SNX9: variants seen among roughly 807,000 people sequenced by gnomAD.
SNX9 encodes sorting nexin 9.
A neutral mutation model predicts 89.4 loss-of-function variants in SNX9; 44 were observed. The ratio of observed to expected loss-of-function variants is 0.49; its 90% CI spans 0.39 to 0.63. The LOEUF (loss-of-function observed/expected upper bound fraction) is 0.63. Among genes scored for constraint, SNX9 ranks in the 30% least tolerant of loss-of-function variants. The pLI, the probability that SNX9 is intolerant of heterozygous loss-of-function variation, is 0.00. For synonymous variants in SNX9, 236 were observed against 247.8 expected (o/e 0.95, Z 0.45); for missense variants, 578 against 736.1 (o/e 0.79, Z 2.49).
At chr6:157,927,612 T>G (rs534096152) in intron 11 of SNX9, among the ~76,000 whole-genome samples, 15 of 152,204 alleles carry the variant, frequency 9.9e-5, no homozygotes, top group Non-Finnish European at 1.5e-4. Flanking sequence ...ATCTGTTGAT[T>G]GATTTTAATC....
chr6:157,871,542 G>C (rs967777351), intron 2 of SNX9, among the ~76,000 whole-genome samples: 5 of 152,060 alleles, frequency 3.3e-5, no homozygotes, highest in African/African-American at 1.2e-4. Context: ...GTGGGAGGAG[G>C]GGGGAGGGAT....
intron 1 of SNX9, chr6:157,829,391 AT>A (rs1781440810): frequency 6.6e-6 from 1 of 152,160 alleles, no homozygotes; most frequent in Admixed American, 6.5e-5. Context: ...GTACCTGGAA[AT>A]TTGTTGAGGC....
At chr6:157,889,103 G>A (rs1782799870) in intron 4 of SNX9, among the ~76,000 whole-genome samples, 2 of 152,150 alleles carry the variant, frequency 1.3e-5, no homozygotes, top group East Asian at 1.9e-4. Context: ...GTCTGCAGTT[G>A]AGAGACCAAA....
In SNX9 at chr6:157,902,008, C is replaced by T. The variant is rs1783109001; in HGVS notation, c.583C>T (p.Arg195Cys). Residue 195 changes from arginine (R) to cysteine (C), a missense_variant, in exon 6 of 18, where the codon CGT (arginine) becomes TGT (cysteine). By Grantham distance (180) the Arg-to-Cys change is radical. Around this residue, in one of 2 missense-constraint regions of SNX9, gnomAD observed 230 missense variants for 244.7 expected, o/e 0.94. Transcript: ENST00000392185. ...DAGGAQRGNS[R>C]ASSSSMKIPL... The stretch of plus-strand genomic sequence containing the variant: ...AGGCGGCGCTCAGCGAGGAAACAGT[C>T]GTGCTAGTTCCTCATCCATGAAAAT... The T allele has an allele frequency of 1.2e-6, 2 of 1,613,514 alleles. No individual in the cohort carries two copies. Among genetic ancestry groups the T allele is most frequent in the South Asian group, 1.1e-5 (1 of 90,940 alleles).
At chr6:157,885,302 GA>G (rs1782710959) in intron 4 of SNX9, 1 of 152,146 alleles carries the variant, frequency 6.6e-6, no homozygotes, top group Admixed American at 6.5e-5. Flanking sequence ...ATTTTTAGAA[GA>G]ATGTACAAGT....
chr6:157,931,965 G>A (rs1783818045), intron 12 of SNX9, among the ~76,000 whole-genome samples: 1 of 152,208 alleles, frequency 6.6e-6, no homozygotes, highest in African/African-American at 2.4e-5. Flanking sequence ...GAATGAGAAT[G>A]TAGGAGTGAT....
chr6:157,861,395 T>G (rs996452877), intron 1 of SNX9, among the ~76,000 whole-genome samples: 1 of 152,184 alleles, frequency 6.6e-6, no homozygotes, highest in Non-Finnish European at 1.5e-5. Context: ...TGCCATAGTT[T>G]AACAGTTTGA....
At chr6:157,848,484 T>C (rs963628193) in intron 1 of SNX9, among the ~76,000 whole-genome samples, 1 of 152,268 alleles carries the variant, frequency 6.6e-6, no homozygotes, top group African/African-American at 2.4e-5. Context: ...GTTTAATGAT[T>C]GCCTGTTAAA....
intron 12 of SNX9, among the ~76,000 whole-genome samples, chr6:157,930,000 G>A (rs185188975): frequency 3.5e-4 from 53 of 152,184 alleles, no homozygotes; most frequent in African/African-American, 1.2e-3. Flanking sequence ...ATTGTCTTTG[G>A]CTACATTTGT....
chr6:157,879,522 T>G (rs1223787767), intron 4 of SNX9, among the ~76,000 whole-genome samples: 4 of 152,264 alleles, frequency 2.6e-5, no homozygotes, highest in African/African-American at 9.6e-5. Context: ...AATACAGATT[T>G]TATATTACCC....
At chr6:157,910,148 A>T (rs1783308993) in intron 9 of SNX9, 123 bp downstream of exon 9, 4 of 763,626 alleles carry the variant, frequency 5.2e-6, no homozygotes, top group African/African-American at 1.7e-5. Flanking sequence ...AGTTGGAAAC[A>T]GTAATTAAAT....
intron 17 of SNX9, among the ~76,000 whole-genome samples, chr6:157,941,537 A>G (rs1224443136): frequency 6.6e-6 from 1 of 152,230 alleles, no homozygotes; most frequent in Non-Finnish European, 1.5e-5. Flanking sequence ...ACCAGAGTCT[A>G]TAGAAAACAA....
At chr6:157,868,210 T>C (rs1782307742) in intron 2 of SNX9, among the ~76,000 whole-genome samples, 1 of 152,264 alleles carries the variant, frequency 6.6e-6, no homozygotes, top group Non-Finnish European at 1.5e-5. Flanking sequence ...TACAAGTTAT[T>C]GCCTCAGCTT....
intron 17 of SNX9, 102 bp downstream of exon 17, chr6:157,941,076 A>G: frequency 9.6e-7 from 1 of 1,045,388 alleles, no homozygotes; most frequent in Non-Finnish European, 1.4e-6. Flanking sequence ...CTTTAATCCT[A>G]AGTAATAAAC....
chr6:157,927,796 C>T (rs543991938), intron 11 of SNX9, among the ~76,000 whole-genome samples: 4 of 146,710 alleles, frequency 2.7e-5, no homozygotes, highest in African/African-American at 7.7e-5. Flanking sequence ...GCACGATCTC[C>T]GCTCACTGCA....
Position 157,932,116 on chromosome 6 carries a change from G to T in SNX9, c.1289-79G>T. On this transcript the variant is annotated intron_variant, in intron 12 of 17. Coordinates refer to ENST00000392185, the MANE Select transcript of SNX9 (RefSeq NM_016224.5). ...ATTTTGAATCACTTCAAAAGTTACT[G>T]TAATCACTTTTAGGAAATAGTTTAA... The T allele has an allele frequency of 5.6e-6, 7 of 1,249,356 alleles. No individual in the cohort carries two copies. The Admixed American group carries it at 1.2e-4, about 22-fold the overall frequency. The allele number at this position is 1,249,356 out of a possible 1,614,324, so 77.4% of individuals were successfully genotyped here. A position where few individuals can be genotyped will look rare whatever the true frequency, so the allele number is the denominator to read the frequency against.
rs1306080032 is a variant in SNX9, at chr6:157,826,833, TATATATATTATATTTTATATATAA to T, written c.12+3400_12+3423del. Among the ~76,000 whole-genome samples, 198 of 111,484 alleles carry T rather than the reference TATATATATTATATTTTATATATAA, an allele frequency of 1.8e-3. 26 individuals are homozygous for T. The highest frequency in any genetic ancestry group is 8.6e-3 in the African/African-American group (182 of 21,056). The allele number at this position is 111,484 out of a possible 152,430, so 73.1% of individuals were successfully genotyped here. ...ATATATAAATATATATTATATTTTA[TATATATATTATATTTTATATATAA>T]ATATATATTATAGTTTATATAATAT... On this transcript the variant is annotated intron_variant, in intron 1 of 17. Transcript: ENST00000392185.
intron 16 of SNX9, among the ~76,000 whole-genome samples, chr6:157,940,192 G>A (rs192771936): frequency 2.8e-4 from 42 of 152,326 alleles, no homozygotes; most frequent in Non-Finnish European, 2.9e-4. Context: ...AGGAGGGAGC[G>A]GGGCAGGGAC....
intron 9 of SNX9, among the ~76,000 whole-genome samples, chr6:157,918,962 C>T (rs1783528434): frequency 6.6e-6 from 1 of 152,026 alleles, no homozygotes; most frequent in Admixed American, 6.6e-5. Flanking sequence ...CTGCTTTCTA[C>T]AGTCTTTTGT....
Sources: gnomAD v4.1 joint callset for allele counts (sites outside exome capture counted in the v4.1 genomes callset) on GRCh38, gnomAD v4.1.1 for gene constraint, gnomAD v4.1.1 regional missense constraint, MANE v1.5 for transcripts, NCBI Gene and HGNC (gene_info 2026-07-23, HGNC 2026-07-21) for gene names.